The following SOS1 variants were observed in gnomAD, a reference collection of about 807,000 sequenced individuals.
SOS1 encodes son of sevenless homolog 1.
In SOS1, 25 loss-of-function variants were observed where a neutral mutation model predicts 157.6. That is an observed-to-expected ratio of 0.16 (90% CI 0.12 to 0.22). The LOEUF (loss-of-function observed/expected upper bound fraction) is 0.22. Among genes scored for constraint, SOS1 ranks in the 10% least tolerant of loss-of-function variants. The pLI, the probability that SOS1 is intolerant of heterozygous loss-of-function variation, is 1.00. For missense variants in SOS1, 1,237 were observed against 1,599.1 expected, an observed-to-expected ratio of 0.77 and a Z score of 3.86; for synonymous variants, 528 against 534.0, an observed-to-expected ratio of 0.99 and a Z score of 0.16.
At chr2:39,105,706 T>G (rs1260638985) in intron 1 of SOS1, among the ~76,000 whole-genome samples, 1 of 151,900 alleles carries the variant, frequency 6.6e-6, no homozygotes, top group Non-Finnish European at 1.5e-5. Flanking sequence ...AAGACCTGCC[T>G]GGCCAACATG....
intron 5 of SOS1, 59 bp from the exon 6 acceptor site, chr2:39,051,346 T>C: frequency 6.7e-7 from 1 of 1,483,844 alleles, no homozygotes; most frequent in Non-Finnish European, 9.3e-7. Flanking sequence ...ATTAAACAAA[T>C]TTTGAGCCAA....
At chr2:39,009,241 T>G (rs76717785) in intron 15 of SOS1, among the ~76,000 whole-genome samples, 1 of 151,988 alleles carries the variant, frequency 6.6e-6, no homozygotes, top group Non-Finnish European at 1.5e-5. Context: ...ATAAGCTCAA[T>G]AGTATATTTG....
At chr2:39,063,998 A>T (rs1671501157) in intron 2 of SOS1, among the ~76,000 whole-genome samples, 1 of 152,016 alleles carries the variant, frequency 6.6e-6, no homozygotes, top group Non-Finnish European at 1.5e-5. Context: ...ATGGCCAGCT[A>T]ATTTTTTGTA....
chr2:39,047,401 G>C (rs1229158847), intron 6 of SOS1, among the ~76,000 whole-genome samples: 1 of 152,142 alleles, frequency 6.6e-6, no homozygotes, highest in Non-Finnish European at 1.5e-5. Context: ...CTGGGTCACA[G>C]GGTACATTGT....
Position 39,024,096 on chromosome 2 carries a change from A to G in SOS1, c.1116T>C (p.Cys372=). ...EKSEDQEDKE[C]LKQAITALLN... is the part of the protein sequence containing the mutation. Reference sequence around the variant, plus strand: ...GCAAAGCTGTTATTGCTTGTTTTAAACATTCCTTGTCTTCTTGATCTTCAC... The same window carrying G: ...GCAAAGCTGTTATTGCTTGTTTTAAGCATTCCTTGTCTTCTTGATCTTCAC... The change falls in exon 9 of 23, where the codon TGT becomes TGC. Residue 372 remains cysteine (C), a synonymous_variant. Coordinates refer to ENST00000402219, the MANE Select transcript of SOS1 (RefSeq NM_005633.4). The G allele has an allele frequency of 6.2e-7, 1 of 1,609,942 alleles. No individual in the cohort carries two copies.
intron 2 of SOS1, 146 bp downstream of exon 2, chr2:39,067,482 A>G: frequency 1.3e-6 from 1 of 779,930 alleles, no homozygotes; most frequent in Non-Finnish European, 2.3e-6. Context: ...TGGATAAGGG[A>G]TACTCAACCT....
chr2:39,110,585 T>C lies in SOS1; in HGVS notation c.87+9751A>G, dbSNP rs186360565. The stretch of plus-strand genomic sequence containing the variant: ...AAAAGAAGAGGGTTTCTTCAACGGA[T>C]AGTTCTGAAATAACTAGATATCAGC... On this transcript the variant is annotated intron_variant, in intron 1 of 22. Coordinates refer to ENST00000402219, the MANE Select transcript of SOS1 (RefSeq NM_005633.4). Among the ~76,000 whole-genome samples the C allele has an allele frequency of 1.4e-3, 210 of 150,560 alleles. 1 individual carries two copies. Among genetic ancestry groups the C allele is most frequent in the African/African-American group, 4.7e-3 (192 of 41,180 alleles).
intron 2 of SOS1, among the ~76,000 whole-genome samples, chr2:39,061,470 C>T (rs1671402315): frequency 6.6e-6 from 1 of 152,150 alleles, no homozygotes; most frequent in African/African-American, 2.4e-5. Flanking sequence ...TCACTGGAGC[C>T]TCAGCCTCCT....
intron 19 of SOS1, 96 bp from the exon 20 acceptor site, chr2:38,995,483 G>C: frequency 1.1e-6 from 1 of 914,768 alleles, no homozygotes; most frequent in Non-Finnish European, 1.8e-6. Context: ...TAATATACAG[G>C]AAAATCATAA....
chr2:38,991,878 A>G (rs1406189822), intron 20 of SOS1, among the ~76,000 whole-genome samples: 1 of 152,224 alleles, frequency 6.6e-6, no homozygotes, highest in Non-Finnish European at 1.5e-5. Context: ...ACTGGCTGAA[A>G]TAATTAATTA....
chr2:39,026,081 G>T (rs900062247), intron 8 of SOS1, among the ~76,000 whole-genome samples: 1 of 152,114 alleles, frequency 6.6e-6, no homozygotes, highest in African/African-American at 2.4e-5. Context: ...TTTAGGCTGG[G>T]CACGGTGGTT....
At chr2:39,040,178 AT>A (rs551524316) in intron 6 of SOS1, among the ~76,000 whole-genome samples, 91 of 145,524 alleles carry the variant, frequency 6.3e-4, no homozygotes, top group Admixed American at 6.8e-4. Flanking sequence ...CACCCGGCTA[AT>A]TTTTTTTTTT....
At chr2:39,093,947 T>C (rs1176138498) in intron 1 of SOS1, among the ~76,000 whole-genome samples, 1 of 152,204 alleles carries the variant, frequency 6.6e-6, no homozygotes, top group Non-Finnish European at 1.5e-5. Context: ...GTATTGATAA[T>C]ATCTGAAAAA....
intron 1 of SOS1, among the ~76,000 whole-genome samples, chr2:39,083,627 T>TA (rs1672282452): frequency 6.6e-6 from 1 of 152,158 alleles, no homozygotes; most frequent in Non-Finnish European, 1.5e-5. Flanking sequence ...TCTCATACCT[T>TA]ACAAGTAGAA....
chr2:39,059,670 T>G (rs1014859185), intron 2 of SOS1, among the ~76,000 whole-genome samples: 1 of 152,160 alleles, frequency 6.6e-6, no homozygotes, highest in Admixed American at 6.5e-5. Flanking sequence ...ATAAAAAGTT[T>G]TATTATTTGC....
At chr2:39,109,029 T>A (rs1013502957) in intron 1 of SOS1, among the ~76,000 whole-genome samples, 2 of 151,962 alleles carry the variant, frequency 1.3e-5, no homozygotes, top group Non-Finnish European at 2.9e-5. Context: ...TGAAACCCCG[T>A]CTCTACCAAA....
intron 5 of SOS1, 61 bp downstream of exon 5, chr2:39,054,553 G>T (rs762908374): frequency 1.0e-6 from 1 of 958,966 alleles, no homozygotes; most frequent in Non-Finnish European, 1.7e-6. Context: ...CTTCAAATTT[G>T]AAGTGGTCAT....
chr2:38,991,242 TGATA>T (rs913413802), intron 20 of SOS1, among the ~76,000 whole-genome samples: 1 of 151,480 alleles, frequency 6.6e-6, no homozygotes, highest in Non-Finnish European at 1.5e-5. Context: ...AAAAAAGATA[TGATA>T]GATAACTTCT....
chr2:39,107,597 T>C (rs898794359), intron 1 of SOS1, among the ~76,000 whole-genome samples: 2 of 150,676 alleles, frequency 1.3e-5, no homozygotes, highest in Admixed American at 6.6e-5. Context: ...CATCTTGGCA[T>C]CTGCTTCTAA....
Sources: allele counts gnomAD v4.1 joint callset (sites outside exome capture counted in the v4.1 genomes callset), GRCh38; gene constraint gnomAD v4.1.1; transcripts MANE v1.5; gene names NCBI Gene and HGNC (gene_info 2026-07-23, HGNC 2026-07-21).